The following PLA2R1 variants were observed in gnomAD, a reference collection of about 807,000 sequenced individuals.
PLA2R1 encodes secretory phospholipase A2 receptor.
PLA2R1 carries 158 observed loss-of-function variants against 195.9 expected under a neutral mutation model. The observed-to-expected ratio is 0.81, with a 90% confidence interval of 0.71 to 0.92. PLA2R1 has a LOEUF of 0.92. Ranked by LOEUF, PLA2R1 falls within the 40% of genes least tolerant of loss-of-function variation. PLA2R1 has a pLI of 0.00. For synonymous variants in PLA2R1, 586 were observed against 598.2 expected, an observed-to-expected ratio of 0.98 and a Z score of 0.30; for missense variants, 1,626 against 1,764.6, an observed-to-expected ratio of 0.92 and a Z score of 1.41.
Position 159,984,063 on chromosome 2 carries a change from C to A in PLA2R1, c.2048G>T (p.Ser683Ile). ...GLASCFKVFH[S>I]EKVLMKRTWR... ...TGTTCTTTTCATCAGAACTTTTTCA[C>A]TATGAAATACCTGTATAGTAAAAGA... The change falls in exon 13 of 30, where the codon AGT (serine) becomes ATT (isoleucine). Residue 683 changes from serine to isoleucine, a missense_variant. Ser to Ile is a moderately radical substitution (Grantham distance 142). Transcript: ENST00000283243. 1 of 1,534,058 alleles carries A rather than the reference C, an allele frequency of 6.5e-7. No homozygotes were observed. Among genetic ancestry groups the A allele is most frequent in the Admixed American group, 1.7e-5 (1 of 58,212 alleles).
chr2:159,960,136 CTA>C (rs1490448711), intron 20 of PLA2R1, among the ~76,000 whole-genome samples: 4 of 152,158 alleles, frequency 2.6e-5, no homozygotes, highest in South Asian at 2.1e-4. Flanking sequence ...CTCTAGTTCT[CTA>C]TGTTTCCTTT....
At chr2:160,057,881 G>A (rs377263012) in intron 1 of PLA2R1, among the ~76,000 whole-genome samples, 1 of 152,202 alleles carries the variant, frequency 6.6e-6, no homozygotes. Flanking sequence ...CTCTGCCTGG[G>A]AGAGACCAGG....
chr2:160,005,467 C>T (rs2667003), intron 11 of PLA2R1, among the ~76,000 whole-genome samples, 185 bp downstream of exon 11: 115,379 of 151,318 alleles, frequency 0.76, 44,641 homozygotes, highest in East Asian at 0.86. Flanking sequence ...AACAAACAAA[C>T]AAATAAAATA....
intron 10 of PLA2R1, among the ~76,000 whole-genome samples, chr2:160,010,676 T>G (rs1692298829): frequency 6.6e-6 from 1 of 152,250 alleles, no homozygotes; most frequent in East Asian, 1.9e-4. Flanking sequence ...TTCCATCTAC[T>G]GCCCAACCTT....
At position 159,941,795 on chromosome 2, in the gene PLA2R1, C is replaced by T. The variant is rs771393574; in HGVS notation, c.4375G>A (p.Glu1459Lys). 1.3e-5 allele frequency: 21 copies of T among 1,595,716 alleles called. No individual in the cohort carries two copies. Among genetic ancestry groups the T allele is most frequent in the Non-Finnish European group, 1.8e-5 (21 of 1,163,718 alleles). The change falls in exon 30 of 30, where the codon GAG (glutamate) becomes AAG (lysine). Residue 1459 changes from glutamate (E) to lysine (K), a missense_variant. Physicochemically the swap from Glu to Lys is moderately conservative, Grantham distance 56. Transcript: ENST00000283243. ...LEENILISDL[E>K]KSDQ The stretch of plus-strand genomic sequence containing the variant: ...CCTCATTATTATTGGTCACTCTTCT[C>T]AAGATCAGAAATGAGAATATTTTCT...
chr2:160,042,375 T>A (rs1206377341), intron 2 of PLA2R1, among the ~76,000 whole-genome samples, 177 bp from the exon 3 acceptor site: 1 of 152,206 alleles, frequency 6.6e-6, no homozygotes, highest in Non-Finnish European at 1.5e-5. Context: ...TGAGACTGAG[T>A]GCTGGGCTCA....
chr2:160,022,325 T>C (rs995741364), intron 7 of PLA2R1, among the ~76,000 whole-genome samples: 2 of 152,018 alleles, frequency 1.3e-5, no homozygotes, highest in Non-Finnish European at 2.9e-5. Flanking sequence ...ATTATGTGGA[T>C]TACATGTTAA....
At chr2:159,983,897 C>T in intron 13 of PLA2R1, 31 bp downstream of exon 13, 1 of 1,276,938 alleles carries the variant, frequency 7.8e-7, no homozygotes, top group Non-Finnish European at 1.1e-6. Context: ...GAATATTTGA[C>T]TGTAATTTTT....
intron 29 of PLA2R1, 37 bp downstream of exon 29, chr2:159,942,090 A>G (rs1231948180): frequency 6.2e-7 from 1 of 1,600,242 alleles, no homozygotes; most frequent in Admixed American, 1.7e-5. Context: ...ATTATTTCTA[A>G]GAAAAATCAA....
rs1686929627 is a variant in PLA2R1, at chr2:159,938,410, T to C, written c.*3368A>G. On this transcript the variant is annotated 3_prime_UTR_variant, in exon 30 of 30. Coordinates refer to ENST00000283243, the MANE Select transcript of PLA2R1 (RefSeq NM_007366.5). Reference sequence around the variant, plus strand: ...ACCAAGACTGTGGGATTGTTTGCTATGGCATTTCGCCTTTCTGGACGAAAA... The same window carrying C: ...ACCAAGACTGTGGGATTGTTTGCTACGGCATTTCGCCTTTCTGGACGAAAA... The C allele has an allele frequency of 2.0e-5, 3 of 152,284 alleles. 1 individual carries two copies. The highest frequency in any genetic ancestry group is 4.4e-5 in the Non-Finnish European group (3 of 68,074). The allele number at this position is 152,284 out of a possible 1,614,324, so 9.4% of individuals were successfully genotyped here.
At chr2:159,982,927 G>T (rs1368373728) in intron 13 of PLA2R1, among the ~76,000 whole-genome samples, 1 of 152,128 alleles carries the variant, frequency 6.6e-6, no homozygotes. Context: ...GCAGGATCTT[G>T]TTTGTCATGT....
At chr2:160,000,950 T>G (rs1253344749) in intron 11 of PLA2R1, among the ~76,000 whole-genome samples, 1 of 151,958 alleles carries the variant, frequency 6.6e-6, no homozygotes, top group East Asian at 1.9e-4. Flanking sequence ...AAGGAAATAT[T>G]AGAATGAATG....
Position 160,028,907 on chromosome 2 carries a change from G to C in PLA2R1, c.898C>G (p.His300Asp), listed in dbSNP as rs35771982. ...VWMGLNQLDE[H>D]AGWQWSDGTP... ...CCATCAGACCACTGCCAGCCAGCGT[G>C]TTCATCCAGCTGATTGAGGCCCATC... Residue 300 changes from histidine (H) to aspartate (D), a missense_variant, in exon 5 of 30, where the codon CAC (histidine) becomes GAC (aspartate). Coordinates refer to ENST00000283243, the MANE Select transcript of PLA2R1 (RefSeq NM_007366.5). 0.45 allele frequency: 718,668 copies of C among 1,603,876 alleles called. 172,691 individuals are homozygous for C. Among genetic ancestry groups the C allele is most frequent in the Non-Finnish European group, 0.5 (586,350 of 1,170,646 alleles).
At chr2:159,931,359 G>A (rs1456327420), downstream of PLA2R1, among the ~76,000 whole-genome samples, 1 of 152,034 alleles carries the variant, frequency 6.6e-6, no homozygotes, top group Non-Finnish European at 1.5e-5. Flanking sequence ...GTGAGACCCC[G>A]TCTCCACAAA....
chr2:159,975,104 C>T lies in PLA2R1; in HGVS notation c.2595+964G>A, dbSNP rs538753126. 2.3e-3 allele frequency among the ~76,000 whole-genome samples: 348 copies of T among 152,294 alleles called. 1 individual carries two copies. The highest frequency in any genetic ancestry group is 7.9e-3 in the African/African-American group (329 of 41,562). ...TGAGGATTTCCCGCCTTCATGCCCC[C>T]ATTGTAATTTGCACTTTCTGTGCCC... On this transcript the variant is annotated intron_variant, in intron 17 of 29. Coordinates refer to ENST00000283243, the MANE Select transcript of PLA2R1 (RefSeq NM_007366.5).
chr2:159,980,300 T>C (rs963451737), intron 13 of PLA2R1, among the ~76,000 whole-genome samples: 2 of 152,118 alleles, frequency 1.3e-5, no homozygotes, highest in African/African-American at 4.8e-5. Context: ...GAGTTTCTCA[T>C]CAGGAATAGC....
intron 20 of PLA2R1, among the ~76,000 whole-genome samples, chr2:159,958,126 G>A (rs1249474084): frequency 6.6e-6 from 1 of 152,174 alleles, no homozygotes; most frequent in Non-Finnish European, 1.5e-5. Flanking sequence ...TTGAAGGTGA[G>A]GCCTGGTGGG....
At chr2:159,946,227 C>T (rs1560132077) in intron 27 of PLA2R1, 1 of 969,582 alleles carries the variant, frequency 1.0e-6, no homozygotes, top group Middle Eastern at 5.3e-4. Flanking sequence ...GATTAAAATA[C>T]TCCTCCTCGA....
At chr2:159,986,532 G>T (rs7590560) in intron 12 of PLA2R1, among the ~76,000 whole-genome samples, 1 of 151,910 alleles carries the variant, frequency 6.6e-6, no homozygotes, top group African/African-American at 2.4e-5. Flanking sequence ...GTGATAACCA[G>T]AGCATGGTGC....
Sources: gnomAD v4.1 joint callset for allele counts (sites outside exome capture counted in the v4.1 genomes callset) on GRCh38, gnomAD v4.1.1 for gene constraint, MANE v1.5 for transcripts, NCBI Gene and HGNC (gene_info 2026-07-23, HGNC 2026-07-21) for gene names.